TSPAN9: variants seen among roughly 807,000 people sequenced by gnomAD.
TSPAN9 encodes tetraspanin-9.
A neutral mutation model predicts 31.0 loss-of-function variants in TSPAN9; 16 were observed. The observed-to-expected ratio is 0.52, with a 90% CI of 0.35 to 0.78. The LOEUF (loss-of-function observed/expected upper bound fraction) is 0.78, where lower values mean the gene tolerates loss of function less well. Ranked by LOEUF, TSPAN9 falls within the 30% of genes least tolerant of loss-of-function variation. The pLI is 0.01. For synonymous variants in TSPAN9, 145 were observed against 121.6 expected (o/e 1.19, Z -1.27); for missense variants, 272 against 312.5 (o/e 0.87, Z 0.98).
intron 2 of TSPAN9, among the ~76,000 whole-genome samples, chr12:3,183,755 G>C (rs1016346854): frequency 1.3e-5 from 2 of 152,160 alleles, no homozygotes; most frequent in African/African-American, 4.8e-5. Flanking sequence ...GAGGGAACTC[G>C]GCATTTGGGA....
chr12:3,132,604 C>T (rs2098330285), intron 2 of TSPAN9, among the ~76,000 whole-genome samples: 1 of 152,212 alleles, frequency 6.6e-6, no homozygotes, highest in African/African-American at 2.4e-5. Context: ...GTTCATGCTT[C>T]TCAACATGTG....
chr12:3,134,807 A>T (rs2098331333), intron 2 of TSPAN9, among the ~76,000 whole-genome samples: 1 of 152,114 alleles, frequency 6.6e-6, no homozygotes, highest in African/African-American at 2.4e-5. Context: ...GGGAAGGTGG[A>T]CGTATAGTCA....
At chr12:3,278,699 C>A (rs663134) in intron 4 of TSPAN9, 87 bp downstream of exon 4, 336,534 of 1,516,298 alleles carry the variant, frequency 0.22, 38,379 homozygotes, top group Middle Eastern at 0.31. Flanking sequence ...GGAATATTAG[C>A]CACCTGGGTG....
chr12:3,119,509 C>T (rs368920741), intron 2 of TSPAN9, among the ~76,000 whole-genome samples: 9 of 152,268 alleles, frequency 5.9e-5, no homozygotes, highest in Admixed American at 2.0e-4. Flanking sequence ...TGCCCTTGCC[C>T]GTGTGATGTT....
intron 2 of TSPAN9, among the ~76,000 whole-genome samples, chr12:3,126,995 C>T (rs987169238): frequency 5.9e-5 from 9 of 151,962 alleles, no homozygotes; most frequent in Admixed American, 5.9e-4. Flanking sequence ...AGGCTGGACT[C>T]GAATTCCTGG....
intron 2 of TSPAN9, among the ~76,000 whole-genome samples, chr12:3,102,900 G>A (rs2098312516): frequency 6.6e-6 from 1 of 152,172 alleles, no homozygotes; most frequent in Non-Finnish European, 1.5e-5. Flanking sequence ...TGTCCAGGTG[G>A]CCAGGACAGT....
rs59457295 is a variant in TSPAN9, at chr12:3,131,129, G to GAAA, written c.-18+47419_-18+47421dup. On this transcript the variant is annotated intron_variant, in intron 2 of 8. Transcript: ENST00000011898. ...CTTTGTCATTTTCTCCACTTTTGGGGAAAAAAAAAAAGAAACCGGATGTTT... is the reference window on the plus strand; with the variant it reads ...CTTTGTCATTTTCTCCACTTTTGGGGAAAAAAAAAAAAAAGAAACCGGATGTTT... Among the ~76,000 whole-genome samples, 222 of 148,194 alleles carry GAAA rather than the reference G, an allele frequency of 1.5e-3. 1 individual carries two copies. The highest frequency in any genetic ancestry group is 2.1e-3 in the Admixed American group (31 of 14,960).
In TSPAN9 at chr12:3,142,411, C is replaced by T. The variant is rs1372306158; in HGVS notation, c.-18+58692C>T. The stretch of plus-strand genomic sequence containing the variant: ...CCCCCTCCTCGCCTCTCGCCTCCTC[C>T]CTTCCCTGAGAAGGGCTGAAACCAT... On this transcript the variant is annotated intron_variant, in intron 2 of 8. Transcript: ENST00000011898. 2.6e-5 allele frequency among the ~76,000 whole-genome samples: 4 copies of T among 152,194 alleles called. No individual in the cohort carries two copies. In the South Asian group the frequency reaches 6.2e-4, roughly 24 times the overall value.
intron 3 of TSPAN9, among the ~76,000 whole-genome samples, chr12:3,276,623 C>T (rs910285645): frequency 1.3e-5 from 2 of 152,242 alleles, no homozygotes; most frequent in African/African-American, 4.8e-5. Flanking sequence ...CCACACCCTC[C>T]CCAGTTATTT....
At chr12:3,203,770 G>A (rs1294252604) in intron 3 of TSPAN9, among the ~76,000 whole-genome samples, 1 of 152,200 alleles carries the variant, frequency 6.6e-6, no homozygotes, top group African/African-American at 2.4e-5. Flanking sequence ...TTTAGCAGAA[G>A]ACAAGTTCAT....
intron 2 of TSPAN9, among the ~76,000 whole-genome samples, chr12:3,120,645 T>C (rs1591636639): frequency 6.6e-6 from 1 of 152,174 alleles, no homozygotes. Flanking sequence ...CTAGCCCAGG[T>C]TGGGCTAGGG....
At chr12:3,246,288 G>A (rs890736120) in intron 3 of TSPAN9, among the ~76,000 whole-genome samples, 7 of 151,946 alleles carry the variant, frequency 4.6e-5, no homozygotes, top group Admixed American at 2.0e-4. Flanking sequence ...TGATCTAGTC[G>A]CCTCCCCACT....
chr12:3,246,242 C>T (rs631912), intron 3 of TSPAN9, among the ~76,000 whole-genome samples: 120,689 of 151,608 alleles, frequency 0.8, 52,389 homozygotes, highest in Non-Finnish European at 0.97. Context: ...GAACTCACGA[C>T]TGTGAGGACA....
At position 3,141,667 on chromosome 12, in the gene TSPAN9, T is replaced by C. The variant is rs955292280; in HGVS notation, c.-18+57948T>C. ...ACGTGTCTCTCCAAGTCCTAGATGG[T>C]GGCACCCCAGAGGCTGGGCTGCGCG... On this transcript the variant is annotated intron_variant, in intron 2 of 8. Coordinates refer to ENST00000011898, the MANE Select transcript of TSPAN9 (RefSeq NM_006675.5). Among the ~76,000 whole-genome samples, 32 of 152,272 alleles carry C rather than the reference T, an allele frequency of 2.1e-4. No homozygotes were observed. In the South Asian group the frequency reaches 2.9e-3, roughly 14 times the overall value.
intron 3 of TSPAN9, among the ~76,000 whole-genome samples, chr12:3,250,813 G>A (rs1565632168): frequency 6.6e-6 from 1 of 152,236 alleles, no homozygotes. Flanking sequence ...TTGGCTGCCA[G>A]GCCCGGGGAG....
At chr12:3,085,388 G>A (rs541476692) in intron 2 of TSPAN9, among the ~76,000 whole-genome samples, 4 of 151,446 alleles carry the variant, frequency 2.6e-5, no homozygotes, top group Admixed American at 6.6e-5. Flanking sequence ...AGCCCCTGAC[G>A]TCACCAGCCG....
intron 3 of TSPAN9, among the ~76,000 whole-genome samples, chr12:3,255,080 C>A (rs551848658): frequency 1.4e-4 from 21 of 152,322 alleles, no homozygotes; most frequent in African/African-American, 5.1e-4. Flanking sequence ...TCCCCTTTGT[C>A]CCCCAGAGCC....
chr12:3,098,940 A>T (rs10848797), intron 2 of TSPAN9, among the ~76,000 whole-genome samples: 16,846 of 152,002 alleles, frequency 0.11, 1,162 homozygotes, highest in East Asian at 0.36. Context: ...TTTAGTAAAG[A>T]TGGGGTTTCA....
chr12:3,236,300 A>G (rs1255633029), intron 3 of TSPAN9, among the ~76,000 whole-genome samples: 1 of 152,254 alleles, frequency 6.6e-6, no homozygotes, highest in East Asian at 1.9e-4. Flanking sequence ...AATGTTAATT[A>G]CCATTTATCT....
Sources: gnomAD v4.1 joint callset for allele counts (sites outside exome capture counted in the v4.1 genomes callset) on GRCh38, gnomAD v4.1.1 for gene constraint, MANE v1.5 for transcripts, NCBI Gene and HGNC (gene_info 2026-07-23, HGNC 2026-07-21) for gene names.